The following KDM4C variants were observed in gnomAD, a reference collection of about 807,000 sequenced individuals.
The protein encoded by KDM4C is lysine demethylase 4C, also known as lysine-specific demethylase 4C.
Under a neutral mutation model 129.3 loss-of-function variants are expected in KDM4C, and 81 were observed. The ratio of observed to expected loss-of-function variants is 0.63; its 90% CI spans 0.52 to 0.75. KDM4C has a LOEUF of 0.75. Ranked by LOEUF, KDM4C falls within the 30% of genes least tolerant of loss-of-function variation. KDM4C has a pLI of 0.00. For synonymous variants in KDM4C, 573 were observed against 456.1 expected (o/e 1.26, Z -3.26); for missense variants, 1,457 against 1,304.0 (o/e 1.12, Z -1.81).
At chr9:6,900,240 A>T (rs189054741) in intron 8 of KDM4C, among the ~76,000 whole-genome samples, 36 of 152,254 alleles carry the variant, frequency 2.4e-4, no homozygotes, top group South Asian at 1.2e-3. Context: ...TGAAGAAGAA[A>T]ATAGGGCAGT....
intron 18 of KDM4C, among the ~76,000 whole-genome samples, chr9:7,120,227 G>A (rs1404459792): frequency 2.0e-5 from 3 of 151,748 alleles, no homozygotes; most frequent in African/African-American, 7.3e-5. Context: ...TTTGGATGTT[G>A]TTGTGCCTTT....
intron 8 of KDM4C, among the ~76,000 whole-genome samples, chr9:6,920,161 G>C (rs1821213608): frequency 6.6e-6 from 1 of 152,022 alleles, no homozygotes; most frequent in African/African-American, 2.4e-5. Flanking sequence ...CTAGGGAATG[G>C]GTGCTGGTGA....
chr9:7,040,311 CTCTG>C (rs1828340612), intron 15 of KDM4C, among the ~76,000 whole-genome samples: 1 of 151,060 alleles, frequency 6.6e-6, no homozygotes, highest in Non-Finnish European at 1.5e-5. Context: ...CCCTCCCTCC[CTCTG>C]TCTCTCTTTC....
chr9:7,009,937 T>A (rs1007563273), intron 12 of KDM4C, among the ~76,000 whole-genome samples: 4 of 152,078 alleles, frequency 2.6e-5, no homozygotes, highest in Non-Finnish European at 5.9e-5. Context: ...ATTTAAAAAA[T>A]TAAGAAAAAG....
intron 8 of KDM4C, among the ~76,000 whole-genome samples, chr9:6,930,614 TATA>T (rs77405195): frequency 0.25 from 37,349 of 147,932 alleles, 5,177 homozygotes; most frequent in South Asian, 0.39. Context: ...TAAAACATGT[TATA>T]ATATATAACA....
chr9:6,933,997 G>A (rs1483446613), intron 8 of KDM4C, among the ~76,000 whole-genome samples: 1 of 151,908 alleles, frequency 6.6e-6, no homozygotes, highest in Non-Finnish European at 1.5e-5. Flanking sequence ...TTATAGGTGT[G>A]CCCCACCAAG....
At chr9:6,738,411 G>T (rs971642398) in intron 1 of KDM4C, among the ~76,000 whole-genome samples, 2 of 152,156 alleles carry the variant, frequency 1.3e-5, no homozygotes, top group Non-Finnish European at 2.9e-5. Context: ...GGAGGCGAAG[G>T]TTGCAGTTAG....
chr9:6,929,010 T>A (rs1033897360), intron 8 of KDM4C, among the ~76,000 whole-genome samples: 2 of 152,222 alleles, frequency 1.3e-5, no homozygotes, highest in African/African-American at 4.8e-5. Context: ...CTGTGCTGCT[T>A]CATCTTCCTG....
At chr9:6,914,108 G>T (rs1361592547) in intron 8 of KDM4C, among the ~76,000 whole-genome samples, 3 of 152,180 alleles carry the variant, frequency 2.0e-5, no homozygotes, top group Admixed American at 2.0e-4. Flanking sequence ...TGTCCAGGCT[G>T]GAGTGCAATG....
intron 15 of KDM4C, among the ~76,000 whole-genome samples, chr9:7,032,944 C>T (rs1337289988): frequency 6.6e-6 from 1 of 152,134 alleles, no homozygotes; most frequent in African/African-American, 2.4e-5. Flanking sequence ...ACTCTAGGTT[C>T]TGCCTAGAGG....
intron 8 of KDM4C, among the ~76,000 whole-genome samples, chr9:6,971,186 T>G (rs1831923881): frequency 1.3e-5 from 2 of 152,216 alleles, no homozygotes; most frequent in Non-Finnish European, 2.9e-5. Flanking sequence ...TTTGCTGTGA[T>G]TATTATATAA....
intron 19 of KDM4C, among the ~76,000 whole-genome samples, chr9:7,154,329 A>T (rs1391699374): frequency 6.6e-6 from 1 of 152,238 alleles, no homozygotes; most frequent in Non-Finnish European, 1.5e-5. Context: ...ATTCTCCCCA[A>T]GGGGGACTGC....
At chr9:7,155,406 G>A (rs1369311888) in intron 19 of KDM4C, among the ~76,000 whole-genome samples, 8 of 151,732 alleles carry the variant, frequency 5.3e-5, no homozygotes, top group African/African-American at 1.9e-4. Flanking sequence ...TGTGCACAAT[G>A]TGCAGGTTTG....
intron 4 of KDM4C, among the ~76,000 whole-genome samples, chr9:6,844,236 CT>C (rs1837464964): frequency 6.6e-6 from 1 of 152,160 alleles, no homozygotes; most frequent in South Asian, 2.1e-4. Context: ...TTTGGACTAT[CT>C]TCATTTACAA....
At chr9:7,132,360 C>A (rs7042899) in intron 19 of KDM4C, among the ~76,000 whole-genome samples, 1 of 152,212 alleles carries the variant, frequency 6.6e-6, no homozygotes, top group African/African-American at 2.4e-5. Flanking sequence ...CTTACGTTAG[C>A]GTTATGTGAC....
intron 17 of KDM4C, among the ~76,000 whole-genome samples, chr9:7,079,786 T>C (rs1834325176): frequency 6.6e-6 from 1 of 152,212 alleles, no homozygotes; most frequent in Non-Finnish European, 1.5e-5. Flanking sequence ...AATGAAGACT[T>C]TCCTAGAAGT....
intron 9 of KDM4C, among the ~76,000 whole-genome samples, chr9:6,983,549 A>G (rs1052627887): frequency 1.4e-5 from 2 of 141,504 alleles, no homozygotes; most frequent in Non-Finnish European, 3.1e-5. Context: ...CACCCGGGAC[A>G]ATATAGTGAG....
intron 15 of KDM4C, among the ~76,000 whole-genome samples, chr9:7,043,391 C>T (rs751714564): frequency 3.3e-4 from 50 of 152,084 alleles, no homozygotes; most frequent in Middle Eastern, 6.8e-3. Context: ...ATTGTAGATT[C>T]TTAAGAAAAC....
At chr9:6,948,952 C>T (rs1181965918) in intron 8 of KDM4C, among the ~76,000 whole-genome samples, 7 of 150,556 alleles carry the variant, frequency 4.6e-5, no homozygotes, top group Non-Finnish European at 8.8e-5. Flanking sequence ...CTCTATTCGA[C>T]GAAACCGCCA....
Sources: gnomAD v4.1 joint callset for allele counts (sites outside exome capture counted in the v4.1 genomes callset) on GRCh38, gnomAD v4.1.1 for gene constraint, MANE v1.5 for transcripts, NCBI Gene and HGNC (gene_info 2026-07-23, HGNC 2026-07-21) for gene names.